The following MKLN1 variants were observed in gnomAD, a reference collection of about 807,000 sequenced individuals.
The protein encoded by MKLN1 is muskelin 1, also known as muskelin.
In MKLN1, 18 loss-of-function variants were observed where a neutral mutation model predicts 99.0. That is an observed-to-expected ratio of 0.18 (90% confidence interval 0.13 to 0.27). The LOEUF (loss-of-function observed/expected upper bound fraction) is 0.27, where lower values mean the gene tolerates loss of function less well. Among genes scored for constraint, MKLN1 ranks in the 10% least tolerant of loss-of-function variants. The pLI, the probability that MKLN1 is intolerant of heterozygous loss-of-function variation, is 1.00. For synonymous variants in MKLN1, 288 were observed against 293.2 expected, an observed-to-expected ratio of 0.98 and a Z score of 0.18; for missense variants, 621 against 875.9, an observed-to-expected ratio of 0.71 and a Z score of 3.67.
intron 9 of MKLN1, among the ~76,000 whole-genome samples, chr7:131,429,669 C>T (rs948449536): frequency 6.6e-6 from 1 of 152,180 alleles, no homozygotes; most frequent in African/African-American, 2.4e-5. Context: ...AGCTCCGCCT[C>T]CCAGGTTCAT....
chr7:131,297,218 A>T (rs1346349228), intron 3 of MKLN1, among the ~76,000 whole-genome samples: 1 of 151,974 alleles, frequency 6.6e-6, no homozygotes, highest in East Asian at 1.9e-4. Flanking sequence ...AAAATTAGCC[A>T]CGTGTGGTGG....
chr7:131,371,355 G>A (rs1239644233), intron 1 of MKLN1, among the ~76,000 whole-genome samples: 1 of 151,806 alleles, frequency 6.6e-6, no homozygotes, highest in East Asian at 1.9e-4. Flanking sequence ...CTTTTCTTCT[G>A]GACCTCCTAA....
intron 1 of MKLN1, among the ~76,000 whole-genome samples, chr7:131,371,100 A>G (rs549485262): frequency 6.6e-6 from 1 of 152,170 alleles, no homozygotes; most frequent in Admixed American, 6.5e-5. Flanking sequence ...TGGTGGGTCT[A>G]CTTTAATTTT....
chr7:131,227,975 G>T (rs963141334), intron 3 of MKLN1, among the ~76,000 whole-genome samples: 1 of 152,180 alleles, frequency 6.6e-6, no homozygotes, highest in Admixed American at 6.5e-5. Context: ...CCCCAGTAGG[G>T]CCCAGCTTCG....
At chr7:131,332,857 G>A (rs1234695724) in intron 1 of MKLN1, among the ~76,000 whole-genome samples, 1 of 151,846 alleles carries the variant, frequency 6.6e-6, no homozygotes, top group Non-Finnish European at 1.5e-5. Context: ...TCGACCTCCT[G>A]GGCTCAAGCG....
chr7:131,243,136 T>C, intron 3 of MKLN1: 1 of 327,108 alleles, frequency 3.1e-6, no homozygotes, highest in East Asian at 6.7e-5. Context: ...TACATATAAA[T>C]ACGTAATCAA....
chr7:131,310,504 T>C (rs1043040807), intron 3 of MKLN1: 1 of 152,180 alleles, frequency 6.6e-6, no homozygotes, highest in African/African-American at 2.4e-5. Flanking sequence ...ATGAATTTAG[T>C]TTTCTCAGAA....
At chr7:131,414,979 G>A (rs1055470598) in intron 8 of MKLN1, among the ~76,000 whole-genome samples, 2 of 152,060 alleles carry the variant, frequency 1.3e-5, no homozygotes, top group African/African-American at 4.8e-5. Context: ...GGGAATTACT[G>A]GAATAAAGAG....
chr7:131,167,200 A>G (rs1796139776), intron 2 of MKLN1, among the ~76,000 whole-genome samples: 1 of 152,196 alleles, frequency 6.6e-6, no homozygotes, highest in African/African-American at 2.4e-5. Context: ...TTTCAAGGGT[A>G]TGATGAGGTT....
chr7:131,344,800 C>T (rs1270045198), intron 1 of MKLN1, among the ~76,000 whole-genome samples: 1 of 152,028 alleles, frequency 6.6e-6, no homozygotes, highest in African/African-American at 2.4e-5. Flanking sequence ...GTTGATGGAT[C>T]ATAAATAATT....
At chr7:131,486,020 A>AG in intron 17 of MKLN1, among the ~76,000 whole-genome samples, 1 of 152,130 alleles carries the variant, frequency 6.6e-6, no homozygotes, top group Non-Finnish European at 1.5e-5. Context: ...TTGAGCCTAT[A>AG]GGGGGCAAAG....
At chr7:131,206,518 C>A (rs1796811652) in intron 3 of MKLN1, among the ~76,000 whole-genome samples, 1 of 127,092 alleles carries the variant, frequency 7.9e-6, no homozygotes, top group African/African-American at 3.0e-5. Flanking sequence ...GTTAATATAC[C>A]TGTATGTATG....
At chr7:131,174,413 G>A (rs542088971) in intron 2 of MKLN1, among the ~76,000 whole-genome samples, 2 of 152,318 alleles carry the variant, frequency 1.3e-5, no homozygotes, top group South Asian at 2.1e-4. Context: ...GAAAACAATA[G>A]CGGGGACAAG....
intron 3 of MKLN1, among the ~76,000 whole-genome samples, chr7:131,241,428 C>A (rs1340294600): frequency 6.6e-6 from 1 of 151,138 alleles, no homozygotes; most frequent in Non-Finnish European, 1.5e-5. Context: ...CTTAGCAGCC[C>A]AGGGGCGGTG....
chr7:131,287,337 T>C (rs866606527), intron 3 of MKLN1, among the ~76,000 whole-genome samples: 1 of 152,206 alleles, frequency 6.6e-6, no homozygotes, highest in Non-Finnish European at 1.5e-5. Context: ...GACAGAAGTC[T>C]GAAATCAAGT....
chr7:131,162,781 A>G (rs891486342), intron 2 of MKLN1, among the ~76,000 whole-genome samples: 7 of 152,246 alleles, frequency 4.6e-5, no homozygotes, highest in Admixed American at 4.6e-4. Context: ...AGTGCAAAAA[A>G]CAGAATGTAA....
At chr7:131,127,192 G>T (rs1421547356) in intron 1 of MKLN1, among the ~76,000 whole-genome samples, 1 of 149,618 alleles carries the variant, frequency 6.7e-6, no homozygotes, top group African/African-American at 2.5e-5. Flanking sequence ...AGAAAGAAAA[G>T]AATAGAAGAA....
chr7:131,374,325 T>A (rs1793568396), intron 1 of MKLN1, among the ~76,000 whole-genome samples: 1 of 152,092 alleles, frequency 6.6e-6, no homozygotes, highest in African/African-American at 2.4e-5. Flanking sequence ...GTGTCACTGC[T>A]TCTAGTCCCC....
intron 8 of MKLN1, among the ~76,000 whole-genome samples, chr7:131,420,009 G>A (rs897087605): frequency 8.5e-5 from 13 of 152,098 alleles, no homozygotes; most frequent in African/African-American, 2.4e-4. Context: ...TTATAGCATT[G>A]GCTTATACTA....
Sources: allele counts gnomAD v4.1 joint callset (sites outside exome capture counted in the v4.1 genomes callset), GRCh38; gene constraint gnomAD v4.1.1; transcripts MANE v1.5; gene names NCBI Gene and HGNC (gene_info 2026-07-23, HGNC 2026-07-21).